KIR2DL1: variants seen among roughly 807,000 people sequenced by gnomAD.
KIR2DL1 encodes killer cell immunoglobulin like receptor, two Ig domains and long cytoplasmic tail 1, also known as killer cell immunoglobulin-like receptor 2DL1.
KIR2DL1 carries 38 observed loss-of-function variants against 33.9 expected under a neutral mutation model. That is an observed-to-expected ratio of 1.12 (90% confidence interval 0.86 to 1.47). The LOEUF (loss-of-function observed/expected upper bound fraction) is 1.47, where lower values mean the gene tolerates loss of function less well. Among genes scored for constraint, KIR2DL1 ranks in the 40% most tolerant of loss-of-function variants. The pLI is 0.00. For missense variants in KIR2DL1, 531 were observed against 433.9 expected (o/e 1.22, Z -1.99); for synonymous variants, 179 against 165.9 (o/e 1.08, Z -0.61).
intron 6 of KIR2DL1, 95 bp downstream of exon 6, chr19:54,783,118 C>T (rs2077228199): frequency 1.4e-6 from 2 of 1,425,936 alleles, no homozygotes; most frequent in Non-Finnish European, 9.8e-7. Flanking sequence ...ACAGGATGGT[C>T]CCTGGCCCAA....
At chr19:54,770,653 G>A (rs1017596513) in intron 1 of KIR2DL1, among the ~76,000 whole-genome samples, 196 bp from the exon 2 acceptor site, 2 of 148,190 alleles carry the variant, frequency 1.3e-5, no homozygotes, top group African/African-American at 4.9e-5. Flanking sequence ...ATATGGGCTT[G>A]AGGTGGGGAT....
intron 3 of KIR2DL1, among the ~76,000 whole-genome samples, chr19:54,773,997 A>G (rs2076056643): frequency 6.7e-6 from 1 of 148,796 alleles, no homozygotes; most frequent in Non-Finnish European, 1.5e-5. Flanking sequence ...CTACCAGGAG[A>G]ACCCAAGGAC....
chr19:54,773,293 A>G, intron 2 of KIR2DL1, 40 bp from the exon 3 acceptor site: 1 of 1,550,446 alleles, frequency 6.4e-7, no homozygotes, highest in Non-Finnish European at 8.8e-7. Context: ...ATGGGATGAT[A>G]AAGAGAGACA....
chr19:54,776,539 C>T lies in KIR2DL1; in HGVS notation c.664+1081C>T, dbSNP rs945901632. Among the ~76,000 whole-genome samples, 2 of 146,972 alleles carry T rather than the reference C, an allele frequency of 1.4e-5. 1 individual carries two copies. Among genetic ancestry groups the T allele is most frequent in the East Asian group, 3.9e-4 (2 of 5,160 alleles). On this transcript the variant is annotated intron_variant, in intron 4 of 7. Coordinates refer to ENST00000336077, the MANE Select transcript of KIR2DL1 (RefSeq NM_014218.3). ...TTGGCTACTGTGAACAGTGCTGCAC[C>T]AATCATACGAGTGCAGATATCACTT...
intron 3 of KIR2DL1, 97 bp downstream of exon 3, chr19:54,773,729 G>C: frequency 7.8e-7 from 1 of 1,290,110 alleles, no homozygotes; most frequent in Non-Finnish European, 1.1e-6. Context: ...GATGAGCTTG[G>C]TATTCTTATG....
In KIR2DL1 at chr19:54,770,797, G is replaced by C. The variant is rs554233578; in HGVS notation, c.35-52G>C. 189 of 1,576,246 alleles carry C rather than the reference G, an allele frequency of 1.2e-4. 15 individuals are homozygous for C. In the African/African-American group the frequency reaches 2.2e-3, roughly 18 times the overall value. On this transcript the variant is annotated intron_variant, in intron 1 of 7. Coordinates refer to ENST00000336077, the MANE Select transcript of KIR2DL1 (RefSeq NM_014218.3). ...CTCACAGCCCAGTGGGGGCAGCAAG[G>C]GTGCCCTGGTTTGCCTGCAGATGGG...
chr19:54,778,157 A>G (rs62122987), intron 4 of KIR2DL1, among the ~76,000 whole-genome samples: 40,798 of 124,588 alleles, frequency 0.33, 6,083 homozygotes, highest in South Asian at 0.45. Context: ...CTACTCAGGA[A>G]TTTGAGGCAA....
intron 4 of KIR2DL1, among the ~76,000 whole-genome samples, chr19:54,776,156 C>T (rs2076308108): frequency 1.4e-5 from 2 of 144,134 alleles, no homozygotes. Context: ...TCCCAAAGTG[C>T]TGGGATTACA....
At position 54,775,455 on chromosome 19, in the gene KIR2DL1, A is replaced by G. The variant is rs1233937173; in HGVS notation, c.661A>G (p.Thr221Ala). ...AAGTGACCCACTGCTTGTTTCTGTC[A>G]CAGGTGAGGAAAGCCCATGGCTGTC... is the stretch of plus-strand genomic sequence containing the variant. The part of the protein sequence containing the change: ...KSSDPLLVSV[T>A]GNPSNSWPSP... Residue 221 changes from threonine to alanine, a missense_variant, in exon 4 of 8, where the codon ACA becomes GCA. Coordinates refer to ENST00000336077, the MANE Select transcript of KIR2DL1 (RefSeq NM_014218.3). 2 of 1,583,304 alleles carry G rather than the reference A, an allele frequency of 1.3e-6. No homozygotes were observed. Among genetic ancestry groups the G allele is most frequent in the Non-Finnish European group, 1.7e-6 (2 of 1,155,736 alleles).
chr19:54,770,943 A>T lies in KIR2DL1; in HGVS notation c.70+59A>T, dbSNP rs546200468. ...CCCCACATAAGAGGATTTTCCTGAA[A>T]TGGGAGGGAAGTCCTGTCAGGGAGT... On this transcript the variant is annotated intron_variant, in intron 2 of 7. Coordinates refer to ENST00000336077, the MANE Select transcript of KIR2DL1 (RefSeq NM_014218.3). 10 of 1,563,298 alleles carry T rather than the reference A, an allele frequency of 6.4e-6. 1 individual carries two copies. In the East Asian group the frequency reaches 2.2e-4, roughly 35 times the overall value.
At chr19:54,771,229 GA>G (rs1268555978) in intron 2 of KIR2DL1, among the ~76,000 whole-genome samples, 73 of 146,594 alleles carry the variant, frequency 5.0e-4, no homozygotes, top group South Asian at 1.3e-3. Context: ...GAAGAGGTGG[GA>G]AAACCACAGC....
rs573176873 is a variant in KIR2DL1, at chr19:54,783,730, C to A, written c.964C>A (p.Pro322Thr). 3 of 1,614,000 alleles carry A rather than the reference C, an allele frequency of 1.9e-6. No individual in the cohort carries two copies. Among genetic ancestry groups the A allele is most frequent in the Non-Finnish European group, 1.7e-6 (2 of 1,179,974 alleles). ...AAAAATCACTCGCCCTTCTCAGAGG[C>A]CCAAGACACCCCCAACAGATATCAT... ...QRKITRPSQR[P>T]KTPPTDIIVY... The change falls in exon 8 of 8, where the codon CCC becomes ACC. Residue 322 changes from proline (P) to threonine (T), a missense_variant. Transcript: ENST00000336077.
At chr19:54,779,788 G>A (rs1396887024) in intron 5 of KIR2DL1, among the ~76,000 whole-genome samples, 3 of 138,320 alleles carry the variant, frequency 2.2e-5, no homozygotes, top group African/African-American at 7.9e-5. Flanking sequence ...CTCTGCCCTT[G>A]GGACACTGAT....
chr19:54,783,465 G>C (rs565937546), intron 6 of KIR2DL1, 21 bp from the exon 7 acceptor site: 4 of 1,612,222 alleles, frequency 2.5e-6, no homozygotes, highest in Non-Finnish European at 3.4e-6. Flanking sequence ...GAGCTGTTTT[G>C]TTGACTTCCA....
rs529715705 is a variant in KIR2DL1 at position 54,770,064 on chromosome 19, G to C, written c.34+180G>C. Among the ~76,000 whole-genome samples the C allele has an allele frequency of 1.4e-3, 193 of 137,624 alleles. 14 individuals carry two copies. Among genetic ancestry groups the C allele is most frequent in the Middle Eastern group, 3.7e-3 (1 of 268 alleles). The allele number at this position is 137,624 out of a possible 152,430, so 90.3% of individuals were successfully genotyped here. On this transcript the variant is annotated intron_variant, in intron 1 of 7. Coordinates refer to ENST00000336077, the MANE Select transcript of KIR2DL1 (RefSeq NM_014218.3). ...AAGTGGAGATCTGGGCCCAGAGGTCGAGATATAGGCCTGGAGGTGGAGTGA... is the reference window on the plus strand; with the variant it reads ...AAGTGGAGATCTGGGCCCAGAGGTCCAGATATAGGCCTGGAGGTGGAGTGA...
chr19:54,774,504 G>A (rs2076103410), intron 3 of KIR2DL1, among the ~76,000 whole-genome samples: 1 of 148,302 alleles, frequency 6.7e-6, no homozygotes, highest in Non-Finnish European at 1.5e-5. Flanking sequence ...CAAGACAGAT[G>A]ATAGATGGAT....
Position 54,782,990 on chromosome 19 carries a change from T to C in KIR2DL1, c.784T>C (p.Phe262Leu). The C allele has an allele frequency of 6.2e-7, 1 of 1,613,744 alleles. No homozygotes were observed. The highest frequency in any genetic ancestry group is 8.5e-7 in the Non-Finnish European group (1 of 1,179,882). Residue 262 changes from phenylalanine to leucine, a missense_variant, in exon 6 of 8, where the codon TTT becomes CTT. Phe to Leu is a conservative substitution (Grantham distance 22, BLOSUM62 0). Coordinates refer to ENST00000336077, the MANE Select transcript of KIR2DL1 (RefSeq NM_014218.3). The part of the protein sequence containing the change: ...VVIILFILLF[F>L]LLHRWCSNKK... ...CATCATCCTCTTCATCCTCCTCTTC[T>C]TTCTCCTTCATCGCTGGTGCTCCAA...
Position 54,781,766 on chromosome 19 carries a change from T to G in KIR2DL1, c.716-1156T>G, listed in dbSNP as rs1772874784. Among the ~76,000 whole-genome samples the G allele has an allele frequency of 4.6e-5, 7 of 152,246 alleles. No homozygotes were observed. In the South Asian group the frequency reaches 1.5e-3, roughly 32 times the overall value. On this transcript the variant is annotated intron_variant, in intron 5 of 7. Transcript: ENST00000336077. ...TTCCTGGCCGTTTGACATAAGAGAA[T>G]TCTATTTCGCTTTTTTTATCTTGAT...
chr19:54,778,193 A>T (rs2076563304), intron 4 of KIR2DL1, among the ~76,000 whole-genome samples: 3 of 148,342 alleles, frequency 2.0e-5, no homozygotes, highest in East Asian at 1.9e-4. Context: ...CAGGAGGCTG[A>T]GGTTGCAGTG....
Sources: allele counts gnomAD v4.1 joint callset (sites outside exome capture counted in the v4.1 genomes callset), GRCh38; gene constraint gnomAD v4.1.1; transcripts MANE v1.5; gene names NCBI Gene and HGNC (gene_info 2026-07-23, HGNC 2026-07-21).